The following GULP1 variants were observed in gnomAD, a reference collection of about 807,000 sequenced individuals.
GULP1 encodes PTB domain-containing engulfment adapter protein 1.
Under a neutral mutation model 40.9 loss-of-function variants are expected in GULP1, and 19 were observed. The ratio of observed to expected loss-of-function variants is 0.46; its 90% CI spans 0.32 to 0.68. GULP1 has a LOEUF of 0.68. GULP1 is among the 30% of genes least tolerant of loss of function. The probability of loss-of-function intolerance (pLI) is 0.03; values close to 1 mark genes in which losing one functional copy is unlikely to be tolerated. For synonymous variants in GULP1, 119 were observed against 117.6 expected (o/e 1.01, Z -0.08); for missense variants, 312 against 362.2 (o/e 0.86, Z 1.12).
intron 1 of GULP1, among the ~76,000 whole-genome samples, chr2:188,311,340 G>A (rs532444609): frequency 1.7e-4 from 26 of 152,230 alleles, no homozygotes; most frequent in African/African-American, 6.3e-4. Context: ...GGGACTACAG[G>A]CATGCGCCAC....
At chr2:188,462,600 T>C (rs1181270017) in intron 2 of GULP1, among the ~76,000 whole-genome samples, 1 of 152,172 alleles carries the variant, frequency 6.6e-6, no homozygotes, top group East Asian at 1.9e-4. Context: ...GGTGCTCCAG[T>C]GTTGGGTGCA....
In GULP1 at chr2:188,292,658, C is replaced by A. The variant is rs1216458536; in HGVS notation, c.-172+492C>A. The A allele has an allele frequency of 6.6e-6, 1 of 152,608 alleles. No homozygotes were observed. Among genetic ancestry groups the A allele is most frequent in the Non-Finnish European group, 1.5e-5 (1 of 68,406 alleles). 9.5% of individuals were successfully genotyped at this position (152,608 alleles called of 1,614,324 possible). On this transcript the variant is annotated intron_variant, in intron 1 of 11. Transcript: ENST00000409830. This position sits in a 1 kb window ranked among gnomAD's most constrained non-coding sequence, Gnocchi z 4.0. ...GCGAGGCGACCCAGGAGCGAACTTC[C>A]AGGGCAGCCTCCCTTTTGTTGGCGC...
chr2:188,421,882 C>T (rs2055470994), intron 2 of GULP1, among the ~76,000 whole-genome samples: 1 of 152,096 alleles, frequency 6.6e-6, no homozygotes, highest in African/African-American at 2.4e-5. Flanking sequence ...GAACTTTATC[C>T]AACTTCCAGG....
At chr2:188,371,177 A>C (rs2047554510) in intron 1 of GULP1, among the ~76,000 whole-genome samples, 1 of 152,132 alleles carries the variant, frequency 6.6e-6, no homozygotes, top group Non-Finnish European at 1.5e-5. Context: ...ATATTCTTTC[A>C]AATTTCATAC....
intron 1 of GULP1, among the ~76,000 whole-genome samples, chr2:188,354,837 G>A (rs1428497037): frequency 6.6e-6 from 1 of 151,976 alleles, no homozygotes; most frequent in African/African-American, 2.4e-5. Context: ...ACATCAAACT[G>A]ATATCAAGTA....
chr2:188,334,736 A>G (rs2042044508), intron 1 of GULP1, among the ~76,000 whole-genome samples: 1 of 152,244 alleles, frequency 6.6e-6, no homozygotes, highest in Admixed American at 6.5e-5. Context: ...TTGCCTTTGC[A>G]ACTTTTCTGT....
intron 1 of GULP1, among the ~76,000 whole-genome samples, chr2:188,377,134 T>G (rs2048395646): frequency 6.6e-6 from 1 of 150,524 alleles, no homozygotes; most frequent in Non-Finnish European, 1.5e-5. Flanking sequence ...ATTGCACCAC[T>G]GCACTCCATC....
chr2:188,394,700 TA>T (rs113512552), intron 2 of GULP1, among the ~76,000 whole-genome samples: 6 of 152,090 alleles, frequency 3.9e-5, no homozygotes, highest in Admixed American at 2.0e-4. Context: ...TTTGACTTTT[TA>T]AAAAAAATTC....
chr2:188,592,536 T>A (rs554911362), intron 11 of GULP1: 28 of 152,154 alleles, frequency 1.8e-4, no homozygotes, highest in African/African-American at 6.7e-4. Context: ...TTTACTCAAC[T>A]AAATAAAGAT....
intron 7 of GULP1, among the ~76,000 whole-genome samples, chr2:188,568,909 A>G (rs1021380740): frequency 3.3e-5 from 5 of 152,146 alleles, no homozygotes; most frequent in African/African-American, 1.2e-4. Context: ...AGAAAGGGAG[A>G]AAAACAAGTA....
intron 1 of GULP1, among the ~76,000 whole-genome samples, chr2:188,373,323 G>A (rs2047860795): frequency 6.6e-6 from 1 of 151,794 alleles, no homozygotes. Flanking sequence ...AGCTTAATAA[G>A]ATAAACTTTT....
At chr2:188,568,213 TAATA>T (rs1698237015) in intron 7 of GULP1, among the ~76,000 whole-genome samples, 1 of 152,218 alleles carries the variant, frequency 6.6e-6, no homozygotes, top group Non-Finnish European at 1.5e-5. Context: ...TCACAGTAGA[TAATA>T]AATTATTAGA....
chr2:188,300,843 A>G (rs1443162368), intron 1 of GULP1, among the ~76,000 whole-genome samples: 1 of 152,156 alleles, frequency 6.6e-6, no homozygotes, highest in Admixed American at 6.6e-5. Context: ...GTCTAAGGTA[A>G]TAGTTTTGTA....
chr2:188,431,441 CT>C (rs1182192258), intron 2 of GULP1, among the ~76,000 whole-genome samples: 2 of 151,952 alleles, frequency 1.3e-5, no homozygotes, highest in Non-Finnish European at 2.9e-5. Context: ...AGAAACTGAA[CT>C]TTTAAAATAT....
intron 2 of GULP1, 101 bp downstream of exon 2, chr2:188,383,990 C>T (rs1460395652): frequency 6.6e-6 from 1 of 152,120 alleles, no homozygotes; most frequent in African/African-American, 2.4e-5. Context: ...AAAATATAGT[C>T]TTTTGTTGTA....
chr2:188,569,523 G>T (rs1016489724), intron 8 of GULP1, 168 bp downstream of exon 8: 13 of 465,718 alleles, frequency 2.8e-5, no homozygotes, highest in Admixed American at 1.1e-4. Flanking sequence ...CCCCTGCACA[G>T]TTTTTTTTTT....
At chr2:188,306,923 A>C (rs991527862) in intron 1 of GULP1, among the ~76,000 whole-genome samples, 1 of 152,170 alleles carries the variant, frequency 6.6e-6, no homozygotes, top group Non-Finnish European at 1.5e-5. Flanking sequence ...AATGTTTTGT[A>C]CTTTTTGTGT....
intron 7 of GULP1, among the ~76,000 whole-genome samples, chr2:188,543,189 A>C (rs956166711): frequency 1.3e-5 from 2 of 152,106 alleles, no homozygotes; most frequent in African/African-American, 4.8e-5. Context: ...CTTAAAGTAT[A>C]ATTAAAAAAA....
In GULP1 at chr2:188,595,059, C is replaced by CAAAAAAAAAAAAAA. The variant is rs5837097; in HGVS notation, c.*1051_*1064dup. 7.8e-6 allele frequency: 1 copy of CAAAAAAAAAAAAAA among 128,882 alleles called. No individual in the cohort carries two copies. The highest frequency in any genetic ancestry group is 1.7e-5 in the Non-Finnish European group (1 of 59,496). The allele number at this position is 128,882 out of a possible 1,614,324, so 8.0% of individuals were successfully genotyped here. On this transcript the variant is annotated 3_prime_UTR_variant, in exon 12 of 12. Transcript: ENST00000409830. ...TGTTAAAGTCAAAAATCTCATTTTC[C>CAAAAAAAAAAAAAA]AAAAAAAAAAAAAAAACCCAGTTAC... is the stretch of plus-strand genomic sequence containing the variant.
Sources: gnomAD v4.1 joint callset for allele counts (sites outside exome capture counted in the v4.1 genomes callset) on GRCh38, gnomAD v4.1.1 for gene constraint, Gnocchi (gnomAD v3.1) non-coding constraint, MANE v1.5 for transcripts, NCBI Gene and HGNC (gene_info 2026-07-23, HGNC 2026-07-21) for gene names.